Variants in ELL2 observed in about 807,000 individuals in gnomAD.
ELL2 encodes the protein elongation factor for RNA polymerase II 2.
A neutral mutation model predicts 72.8 loss-of-function variants in ELL2; 21 were observed. The observed-to-expected ratio is 0.29, with a 90% CI of 0.20 to 0.42. ELL2 has a LOEUF of 0.42. ELL2 is among the 10% of genes least tolerant of loss of function. The probability of loss-of-function intolerance (pLI) is 1.00; values close to 1 mark genes in which losing one functional copy is unlikely to be tolerated. For missense variants in ELL2, 568 were observed against 772.8 expected (o/e 0.73, Z 3.14); for synonymous variants, 266 against 283.2 (o/e 0.94, Z 0.61).
chr5:95,888,190 G>GC lies in ELL2; in HGVS notation c.*680dup. 6.6e-6 allele frequency: 1 copy of GC among 152,664 alleles called. No individual in the cohort carries two copies. Among genetic ancestry groups the GC allele is most frequent in the Non-Finnish European group, 1.5e-5 (1 of 68,028 alleles). 9.5% of individuals were successfully genotyped at this position (152,664 alleles called of 1,614,324 possible). On this transcript the variant is annotated 3_prime_UTR_variant, in exon 12 of 12. Coordinates refer to ENST00000237853, the MANE Select transcript of ELL2 (RefSeq NM_012081.6). ...CTCTAATCAAGTGGGAAGCAGTGTA[G>GC]CTAATGATTAACCACACTATGTACA...
intron 2 of ELL2, among the ~76,000 whole-genome samples, chr5:95,927,034 T>C (rs1750307417): frequency 6.6e-6 from 1 of 152,176 alleles, no homozygotes; most frequent in South Asian, 2.1e-4. Flanking sequence ...CATGGATTAA[T>C]TGATTCTTTC....
intron 8 of ELL2, among the ~76,000 whole-genome samples, chr5:95,897,835 C>T (rs1011226963): frequency 3.9e-5 from 6 of 152,146 alleles, no homozygotes; most frequent in Non-Finnish European, 7.4e-5. Flanking sequence ...GCAAGGGTGA[C>T]CCTGTTTCAT....
intron 1 of ELL2, among the ~76,000 whole-genome samples, chr5:95,953,345 A>C (rs1751490499): frequency 6.7e-6 from 1 of 149,634 alleles, no homozygotes; most frequent in Non-Finnish European, 1.5e-5. Flanking sequence ...TTTATTAAAG[A>C]AAAAACATCT....
intron 8 of ELL2, 146 bp downstream of exon 8, chr5:95,898,091 GAAA>G (rs61457748): frequency 0.026 from 11,537 of 439,560 alleles, 152 homozygotes; most frequent in Admixed American, 0.094. Context: ...GCTGTAAAAT[GAAA>G]AAAAAAAAAA....
At chr5:95,954,223 A>G (rs2112360427) in intron 1 of ELL2, among the ~76,000 whole-genome samples, 1 of 152,224 alleles carries the variant, frequency 6.6e-6, no homozygotes, top group Non-Finnish European at 1.5e-5. Flanking sequence ...TTCATTATCA[A>G]CTAAAAGACT....
chr5:95,895,616 A>G lies in ELL2; in HGVS notation c.1589+12T>C, dbSNP rs376045172. The G allele has an allele frequency of 2.0e-5, 32 of 1,612,434 alleles. No homozygotes were observed. Among genetic ancestry groups the G allele is most frequent in the Middle Eastern group, 1.7e-4 (1 of 6,008 alleles). On this transcript the variant is annotated intron_variant, in intron 9 of 11. Transcript: ENST00000237853. ...TAAGCCGCTCTCTCCATTGGCAGAC[A>G]TATGAACTTACATCAAATAATCTGG...
At position 95,961,444 on chromosome 5, in the gene ELL2, G is replaced by T. The variant is rs559773970; in HGVS notation, c.147+131C>A. 71 of 1,189,476 alleles carry T rather than the reference G, an allele frequency of 6.0e-5. No homozygotes were observed. In the East Asian group the frequency reaches 1.2e-3, roughly 20 times the overall value. 73.7% of individuals were successfully genotyped at this position (1,189,476 alleles called of 1,614,324 possible). On this transcript the variant is annotated intron_variant, in intron 1 of 11. Transcript: ENST00000237853. ...CAGCCACCCTGCCCGGCCCTGCCCT[G>T]CCTGGCCGCTGCGGGCGCTGACGGT...
intron 8 of ELL2, 46 bp from the exon 9 acceptor site, chr5:95,895,737 G>A (rs368358358): frequency 6.5e-5 from 90 of 1,394,716 alleles, no homozygotes; most frequent in Non-Finnish European, 7.0e-5. Flanking sequence ...AACTACGAAG[G>A]TTATCAAATG....
chr5:95,942,680 G>T (rs1751011940), intron 2 of ELL2, among the ~76,000 whole-genome samples: 2 of 152,048 alleles, frequency 1.3e-5, no homozygotes, highest in Non-Finnish European at 2.9e-5. Context: ...ATCCCGTATG[G>T]ATGTTAAGCT....
chr5:95,959,819 T>C (rs891280179), intron 1 of ELL2, among the ~76,000 whole-genome samples: 1 of 152,224 alleles, frequency 6.6e-6, no homozygotes, highest in Non-Finnish European at 1.5e-5. Context: ...ACAAGTGTCC[T>C]AGCACGTACA....
intron 2 of ELL2, among the ~76,000 whole-genome samples, chr5:95,922,399 T>C (rs954003721): frequency 6.6e-6 from 1 of 152,184 alleles, no homozygotes; most frequent in African/African-American, 2.4e-5. Context: ...GTACAGTTTT[T>C]TTCCCCCTAT....
rs1215889867 is a variant in ELL2 at position 95,886,326 on chromosome 5, T to C, written c.*2545A>G. ...GATTCAGAGATTTATAATTTTCAAA[T>C]TTACAACTAATAGACAGACACACTT... On this transcript the variant is annotated 3_prime_UTR_variant, in exon 12 of 12. Transcript: ENST00000237853. The C allele has an allele frequency of 6.6e-6, 1 of 152,210 alleles. No individual in the cohort carries two copies. The highest frequency in any genetic ancestry group is 1.5e-5 in the Non-Finnish European group (1 of 68,036). The allele number at this position is 152,210 out of a possible 1,614,324, so 9.4% of individuals were successfully genotyped here.
chr5:95,926,056 G>C (rs1750270262), intron 2 of ELL2, among the ~76,000 whole-genome samples: 1 of 151,952 alleles, frequency 6.6e-6, no homozygotes, highest in Admixed American at 6.6e-5. Context: ...ACAGTTTAGG[G>C]ACAGAATAGT....
intron 1 of ELL2, among the ~76,000 whole-genome samples, chr5:95,954,574 TTTTC>T (rs1230919343): frequency 2.2e-5 from 3 of 138,604 alleles, no homozygotes; most frequent in African/African-American, 8.6e-5. Context: ...GCCTGGCTAA[TTTTC>T]TTTTCTTTTT....
In ELL2 at chr5:95,900,748, G is replaced by A. The variant is rs1220176666; in HGVS notation, c.899C>T (p.Thr300Ile). The A allele has an allele frequency of 6.2e-7, 1 of 1,609,814 alleles. No individual in the cohort carries two copies. The highest frequency in any genetic ancestry group is 8.5e-7 in the Non-Finnish European group (1 of 1,178,240). The change falls in exon 7 of 12, where the codon ACC (threonine) becomes ATC (isoleucine). Residue 300 changes from threonine to isoleucine, a missense_variant. Transcript: ENST00000237853. The stretch of plus-strand genomic sequence containing the variant: ...ACATACAGGAGATTCTGAACGGCTG[G>A]TGCCTGCAGCATTCTGAGACGGATT... Reference protein sequence around the residue: ...KLNPSQNAAGTSRSESPVCSS... With the variant: ...KLNPSQNAAGISRSESPVCSS...
At chr5:95,926,940 T>C (rs974339497) in intron 2 of ELL2, among the ~76,000 whole-genome samples, 1 of 152,172 alleles carries the variant, frequency 6.6e-6, no homozygotes, top group African/African-American at 2.4e-5. Context: ...AAAAACTACC[T>C]TGAGTAATTT....
At chr5:95,913,627 CTT>C (rs565229875) in intron 4 of ELL2, 142 bp downstream of exon 4, 465 of 879,564 alleles carry the variant, frequency 5.3e-4, no homozygotes, top group Non-Finnish European at 7.2e-4. Context: ...GAACAAATAA[CTT>C]TGTTTTTCTC....
In ELL2 at chr5:95,961,836, C is replaced by G. The variant is rs1166912144; in HGVS notation, c.-115G>C. 7.3e-7 allele frequency: 1 copy of G among 1,363,396 alleles called. No homozygotes were observed. The highest frequency in any genetic ancestry group is 1.5e-5 in the African/African-American group (1 of 65,730). 84.5% of individuals were successfully genotyped at this position (1,363,396 alleles called of 1,614,324 possible). On this transcript the variant is annotated 5_prime_UTR_variant, in exon 1 of 12. Transcript: ENST00000237853. ...ACTGCTAGGGCCATCCCGCTGCTGA[C>G]GTACTGTCATATACTGCGCGGAGCC...
At position 95,918,682 on chromosome 5, in the gene ELL2, A is replaced by G. The variant is rs1348896323; in HGVS notation, c.317+742T>C. On this transcript the variant is annotated intron_variant, in intron 3 of 11. Transcript: ENST00000237853. ...TGTCAAAGCCTTACATGAGGAGGAA[A>G]TGAGAGAGACCCTAACCTCCCTTGT... Among the ~76,000 whole-genome samples the G allele has an allele frequency of 2.6e-5, 4 of 152,188 alleles. No individual in the cohort carries two copies. The East Asian group carries it at 7.7e-4, about 29-fold the overall frequency.
Sources: gnomAD v4.1 joint callset for allele counts (sites outside exome capture counted in the v4.1 genomes callset) on GRCh38, gnomAD v4.1.1 for gene constraint, MANE v1.5 for transcripts, NCBI Gene and HGNC (gene_info 2026-07-23, HGNC 2026-07-21) for gene names.